RTN3: variants seen among roughly 807,000 people sequenced by gnomAD.
RTN3 encodes reticulon 3.
RTN3 carries 49 observed loss-of-function variants against 77.8 expected under a neutral mutation model. The observed-to-expected ratio is 0.63, with a 90% CI of 0.50 to 0.80. RTN3 has a LOEUF of 0.80. RTN3 is among the 30% of genes least tolerant of loss of function. The probability of loss-of-function intolerance (pLI) is 0.00; values close to 1 mark genes in which losing one functional copy is unlikely to be tolerated. For missense variants in RTN3, 1,236 were observed against 1,211.9 expected, an observed-to-expected ratio of 1.02 and a Z score of -0.29; for synonymous variants, 464 against 446.9, an observed-to-expected ratio of 1.04 and a Z score of -0.48.
At chr11:63,735,550 T>TTCTCTC (rs71468640) in intron 3 of RTN3, among the ~76,000 whole-genome samples, 3,893 of 42,650 alleles carry the variant, frequency 0.091, 808 homozygotes, top group Non-Finnish European at 0.097. Flanking sequence ...ATTCTAACAT[T>TTCTCTC]TCTCTCTCTC....
intron 3 of RTN3, among the ~76,000 whole-genome samples, chr11:63,729,001 CAGT>C (rs1240295600): frequency 6.6e-6 from 1 of 151,078 alleles, no homozygotes; most frequent in African/African-American, 2.4e-5. Context: ...GTTTAAAAGG[CAGT>C]AGAGTAACAT....
chr11:63,692,357 C>A (rs952705466), intron 1 of RTN3, among the ~76,000 whole-genome samples: 5 of 152,034 alleles, frequency 3.3e-5, no homozygotes. Flanking sequence ...AACCCTCTAC[C>A]TCGGGGTTTT....
chr11:63,742,155 A>G (rs2013523024), intron 3 of RTN3, among the ~76,000 whole-genome samples: 1 of 149,978 alleles, frequency 6.7e-6, no homozygotes, highest in South Asian at 2.1e-4. Context: ...AATTTTTTGT[A>G]TTTTTAGTAG....
intron 1 of RTN3, 32 bp downstream of exon 1, chr11:63,681,810 A>G: frequency 6.6e-7 from 1 of 1,513,114 alleles, no homozygotes; most frequent in Non-Finnish European, 8.8e-7. Context: ...CGCCCTGGGA[A>G]AGAGGGCGAG....
intron 3 of RTN3, among the ~76,000 whole-genome samples, chr11:63,731,650 A>T (rs1590856944): frequency 6.7e-6 from 1 of 149,920 alleles, no homozygotes; most frequent in Non-Finnish European, 1.5e-5. Flanking sequence ...AGCTTTATTT[A>T]TTTTTTATTT....
rs1468561027 is a variant in RTN3 at position 63,720,078 on chromosome 11, T to A, written c.1576T>A (p.Ser526Thr). ...CAAAATTCAGGCTGAAAAACCTGTT[T>A]CCATTCCAAGTGCTGTTGTAAAAAC... ...NNKIQAEKPVSIPSAVVKTGE... is the reference protein window; with the variant it reads ...NNKIQAEKPVTIPSAVVKTGE... Residue 526 changes from serine (S) to threonine (T), a missense_variant, in exon 3 of 9, where the codon TCC (serine) becomes ACC (threonine). By Grantham distance (58) the Ser-to-Thr change is moderately conservative. Coordinates refer to ENST00000377819, the MANE Select transcript of RTN3 (RefSeq NM_001265589.2). 9 of 1,613,960 alleles carry A rather than the reference T, an allele frequency of 5.6e-6. No individual in the cohort carries two copies. In the South Asian group the frequency reaches 9.9e-5, roughly 18 times the overall value.
intron 1 of RTN3, among the ~76,000 whole-genome samples, chr11:63,695,122 C>G (rs895823916): frequency 6.6e-6 from 1 of 152,100 alleles, no homozygotes; most frequent in Admixed American, 6.6e-5. Flanking sequence ...ATATTCAAAC[C>G]TCCATATTCT....
chr11:63,729,688 G>A (rs1383398191), intron 3 of RTN3, among the ~76,000 whole-genome samples: 1 of 151,752 alleles, frequency 6.6e-6, no homozygotes, highest in Non-Finnish European at 1.5e-5. Flanking sequence ...TTGATCTCCT[G>A]GGCTCAAGTA....
chr11:63,708,350 A>T (rs1455482361), intron 2 of RTN3, among the ~76,000 whole-genome samples: 1 of 152,184 alleles, frequency 6.6e-6, no homozygotes, highest in Non-Finnish European at 1.5e-5. Flanking sequence ...TTAAAAAAAA[A>T]ATAGAGACAA....
chr11:63,744,718 G>A (rs1021750372), intron 3 of RTN3, among the ~76,000 whole-genome samples: 2 of 152,186 alleles, frequency 1.3e-5, no homozygotes, highest in Non-Finnish European at 2.9e-5. Flanking sequence ...TCTGCTGGTC[G>A]CTGTGGTTCA....
At chr11:63,694,970 G>T (rs371889044) in intron 1 of RTN3, among the ~76,000 whole-genome samples, 1 of 152,186 alleles carries the variant, frequency 6.6e-6, no homozygotes, top group Non-Finnish European at 1.5e-5. Flanking sequence ...ATATGAGAGG[G>T]AACTGCTGTC....
chr11:63,752,412 C>T (rs967898309), intron 4 of RTN3, 95 bp from the exon 5 acceptor site: 11 of 1,216,984 alleles, frequency 9.0e-6, no homozygotes, highest in Admixed American at 5.7e-5. Context: ...TTCTAACATG[C>T]ACCCTGGGAA....
At chr11:63,705,892 A>G (rs1366935281) in intron 2 of RTN3, among the ~76,000 whole-genome samples, 5 of 152,354 alleles carry the variant, frequency 3.3e-5, no homozygotes, top group East Asian at 1.9e-4. Context: ...TGCTTCATCA[A>G]TTTATACTAA....
At chr11:63,694,257 A>G (rs1941816330) in intron 1 of RTN3, among the ~76,000 whole-genome samples, 1 of 151,552 alleles carries the variant, frequency 6.6e-6, no homozygotes, top group African/African-American at 2.4e-5. Context: ...GCTCACTGCA[A>G]CCTCCGCCTC....
chr11:63,686,709 T>C (rs923102705), intron 1 of RTN3, among the ~76,000 whole-genome samples: 7 of 152,118 alleles, frequency 4.6e-5, no homozygotes, highest in African/African-American at 1.7e-4. Flanking sequence ...GATGTGCGCC[T>C]GTGGTCCCAG....
chr11:63,684,043 C>T (rs1941219161), intron 1 of RTN3, among the ~76,000 whole-genome samples: 1 of 144,406 alleles, frequency 6.9e-6, no homozygotes, highest in Non-Finnish European at 1.5e-5. Flanking sequence ...CCTCCATCTC[C>T]GGGGTTCAAA....
intron 2 of RTN3, among the ~76,000 whole-genome samples, chr11:63,708,711 A>ATAAT (rs1942609578): frequency 6.6e-6 from 1 of 152,232 alleles, no homozygotes; most frequent in African/African-American, 2.4e-5. Context: ...TGTCAGTGGA[A>ATAAT]TAATCAGTTC....
chr11:63,747,747 G>A (rs900995620), intron 3 of RTN3, among the ~76,000 whole-genome samples: 4 of 152,072 alleles, frequency 2.6e-5, no homozygotes, highest in Admixed American at 2.0e-4. Context: ...AGTCTTTTCC[G>A]CTAACCTTAT....
chr11:63,750,939 C>T (rs528212812), intron 4 of RTN3, among the ~76,000 whole-genome samples: 93 of 151,812 alleles, frequency 6.1e-4, no homozygotes, highest in African/African-American at 2.0e-3. Context: ...TCACCATGTT[C>T]GGCAGGATGG....
Sources: allele counts gnomAD v4.1 joint callset (sites outside exome capture counted in the v4.1 genomes callset), GRCh38; gene constraint gnomAD v4.1.1; transcripts MANE v1.5; gene names NCBI Gene and HGNC (gene_info 2026-07-23, HGNC 2026-07-21).